COPZ1: variants seen among roughly 807,000 people sequenced by gnomAD.
COPZ1 encodes coat protein complex I subunit zeta 1, also known as coatomer subunit zeta-1.
A neutral mutation model predicts 31.7 loss-of-function variants in COPZ1; 4 were observed. The observed-to-expected ratio is 0.13, with a 90% CI of 0.06 to 0.29. The LOEUF (loss-of-function observed/expected upper bound fraction) is 0.29, where lower values mean the gene tolerates loss of function less well. Among genes scored for constraint, COPZ1 ranks in the 10% least tolerant of loss-of-function variants. The probability of loss-of-function intolerance (pLI) is 1.00; values close to 1 mark genes in which losing one functional copy is unlikely to be tolerated. For synonymous variants in COPZ1, 74 were observed against 79.0 expected (o/e 0.94, Z 0.33); for missense variants, 156 against 211.5 (o/e 0.74, Z 1.63).
chr12:54,335,882 G>A (rs1018928453), intron 1 of COPZ1, among the ~76,000 whole-genome samples: 1 of 151,876 alleles, frequency 6.6e-6, no homozygotes, highest in Admixed American at 6.6e-5. Context: ...GTCTCACTGT[G>A]TTGCCCAGGT....
At chr12:54,326,252 G>A (rs1262783509) in intron 1 of COPZ1, among the ~76,000 whole-genome samples, 1 of 150,520 alleles carries the variant, frequency 6.6e-6, no homozygotes, top group Non-Finnish European at 1.5e-5. Context: ...CCATTCTTCT[G>A]CCTCAGCCTC....
chr12:54,348,156 C>A, intron 7 of COPZ1, 105 bp downstream of exon 7: 5 of 923,852 alleles, frequency 5.4e-6, no homozygotes, highest in Non-Finnish European at 8.7e-6. Flanking sequence ...AGGATACATA[C>A]AACCTTCTCT....
intron 1 of COPZ1, among the ~76,000 whole-genome samples, chr12:54,329,455 C>T (rs149255227): frequency 1.2e-3 from 190 of 152,124 alleles, no homozygotes; most frequent in African/African-American, 4.2e-3. Flanking sequence ...TGGTGGCATG[C>T]GCTTGTAATC....
intron 3 of COPZ1, 72 bp from the exon 4 acceptor site, chr12:54,343,153 G>A: frequency 1.6e-6 from 2 of 1,219,442 alleles, no homozygotes; most frequent in East Asian, 2.3e-5. Context: ...CACTGCGCCT[G>A]GCTGGTAACT....
chr12:54,342,372 G>A (rs1307220677), intron 3 of COPZ1, 85 bp downstream of exon 3: 1 of 977,328 alleles, frequency 1.0e-6, no homozygotes, highest in Non-Finnish European at 1.6e-6. Flanking sequence ...GAGAAAGGAT[G>A]AAATGACTCT....
intron 2 of COPZ1, among the ~76,000 whole-genome samples, chr12:54,341,743 C>A (rs1953976458): frequency 6.6e-6 from 1 of 152,176 alleles, no homozygotes; most frequent in Non-Finnish European, 1.5e-5. Context: ...CAGGGTTTGC[C>A]TTTCTTTGGA....
intron 1 of COPZ1, chr12:54,325,709 A>C (rs1953619906): frequency 6.5e-6 from 1 of 153,898 alleles, no homozygotes; most frequent in African/African-American, 2.4e-5. Context: ...GTATTCCATC[A>C]AAGTTCTGGG....
rs570106125 is a variant in COPZ1, at chr12:54,334,864, T to TA, written c.19-5676dup. Among the ~76,000 whole-genome samples the TA allele has an allele frequency of 2.6e-3, 387 of 151,014 alleles. 1 individual carries two copies. The highest frequency in any genetic ancestry group is 8.9e-3 in the African/African-American group (367 of 41,118). On this transcript the variant is annotated intron_variant, in intron 1 of 8. Coordinates refer to ENST00000262061, the MANE Select transcript of COPZ1 (RefSeq NM_016057.3). ...AGGGTGAGACTCCGTCTCAAAAAAA[T>TA]AAAAAAATAAATAAAAGTTGGCACA...
In COPZ1 at chr12:54,325,180, T is replaced by C; in HGVS notation, c.17T>C (p.Leu6Ser). 4 of 1,560,590 alleles carry C rather than the reference T, an allele frequency of 2.6e-6. No individual in the cohort carries two copies. Among genetic ancestry groups the C allele is most frequent in the Non-Finnish European group, 3.5e-6 (4 of 1,152,708 alleles). The change falls in exon 1 of 9, where the codon TTG (leucine) becomes TCG (serine). Residue 6 changes from leucine (L) to serine (S), a missense_variant and splice_region_variant. Transcript: ENST00000262061. Reference protein sequence around the residue: MEALILEPSLYTVKAI... With the variant: MEALISEPSLYTVKAI... ...CGGGGCAAGATGGAGGCGCTGATTT[T>C]GGTAGGAGCTGGAGGGGCAGCAGAG...
chr12:54,350,234 C>A (rs750968515), intron 8 of COPZ1: 1 of 672,018 alleles, frequency 1.5e-6, no homozygotes, highest in Non-Finnish European at 2.7e-6. Context: ...TTTTTTTTTT[C>A]TTTTATACCA....
intron 1 of COPZ1, chr12:54,340,229 T>C (rs1170030273): frequency 9.9e-6 from 4 of 402,058 alleles, no homozygotes; most frequent in African/African-American, 8.1e-5. Context: ...AGGGAGAGGG[T>C]AATTTGGAAA....
At chr12:54,339,795 C>T (rs928279801) in intron 1 of COPZ1, among the ~76,000 whole-genome samples, 5 of 152,120 alleles carry the variant, frequency 3.3e-5, no homozygotes, top group African/African-American at 9.7e-5. Flanking sequence ...TCACTCTAGG[C>T]CCCAGAGTGT....
intron 4 of COPZ1, among the ~76,000 whole-genome samples, chr12:54,343,731 G>A (rs1954012506): frequency 6.6e-6 from 1 of 152,030 alleles, no homozygotes; most frequent in Middle Eastern, 3.2e-3. Context: ...GAAGACCTTG[G>A]GTATAGTCCT....
chr12:54,332,265 T>C (rs916599411), intron 1 of COPZ1, among the ~76,000 whole-genome samples: 1 of 151,544 alleles, frequency 6.6e-6, no homozygotes. Flanking sequence ...GAGGTTGCAG[T>C]GAGCCACTGC....
At chr12:54,330,235 G>T (rs1447280550) in intron 1 of COPZ1, among the ~76,000 whole-genome samples, 1 of 152,040 alleles carries the variant, frequency 6.6e-6, no homozygotes, top group African/African-American at 2.4e-5. Flanking sequence ...TGTCCATCTG[G>T]GTTATTGCAC....
At chr12:54,347,526 C>T (rs987031836) in intron 5 of COPZ1, among the ~76,000 whole-genome samples, 7 of 152,180 alleles carry the variant, frequency 4.6e-5, no homozygotes, top group Non-Finnish European at 1.0e-4. Flanking sequence ...GGATAATCAA[C>T]CCCTGAATAG....
At chr12:54,332,586 T>A (rs1296347672) in intron 1 of COPZ1, among the ~76,000 whole-genome samples, 1 of 151,866 alleles carries the variant, frequency 6.6e-6, no homozygotes, top group Non-Finnish European at 1.5e-5. Flanking sequence ...AACACAAAAT[T>A]AGCCAGGTGT....
At chr12:54,348,160 C>A in intron 7 of COPZ1, 109 bp downstream of exon 7, 1 of 897,214 alleles carries the variant, frequency 1.1e-6, no homozygotes, top group South Asian at 1.4e-5. Context: ...TACATACAAC[C>A]TTCTCTTTTT....
In COPZ1 at chr12:54,326,329, A is replaced by C. The variant is rs1021697160; in HGVS notation, c.18+1148A>C. ...TAATTTTTTGTATTTTTTAGTAGAG[A>C]CGGAGTTTCACCGTGTTAGCCAGGA... On this transcript the variant is annotated intron_variant, in intron 1 of 8. Transcript: ENST00000262061. Among the ~76,000 whole-genome samples the C allele has an allele frequency of 6.1e-5, 9 of 147,832 alleles. No homozygotes were observed. In the Admixed American group the frequency reaches 6.3e-4, roughly 10 times the overall value.
Sources: allele counts gnomAD v4.1 joint callset (sites outside exome capture counted in the v4.1 genomes callset), GRCh38; gene constraint gnomAD v4.1.1; transcripts MANE v1.5; gene names NCBI Gene and HGNC (gene_info 2026-07-23, HGNC 2026-07-21).